Variants in ESRRG observed in about 807,000 individuals in gnomAD.
ESRRG encodes the protein estrogen related receptor gamma, also known as estrogen-related receptor gamma.
A neutral mutation model predicts 44.0 loss-of-function variants in ESRRG; 13 were observed. The ratio of observed to expected loss-of-function variants is 0.30; its 90% confidence interval spans 0.19 to 0.47. ESRRG has a LOEUF of 0.47. Among genes scored for constraint, ESRRG ranks in the 20% least tolerant of loss-of-function variants. The pLI, the probability that ESRRG is intolerant of heterozygous loss-of-function variation, is 1.00. For missense variants in ESRRG, 395 were observed against 580.6 expected (o/e 0.68, Z 3.29); for synonymous variants, 215 against 214.6 (o/e 1.00, Z -0.02).
intron 2 of ESRRG, among the ~76,000 whole-genome samples, chr1:216,652,635 A>C (rs980834725): frequency 3.9e-5 from 6 of 152,168 alleles, no homozygotes; most frequent in African/African-American, 1.4e-4. Flanking sequence ...CAACAGAAGT[A>C]TATACCATCA....
intron 1 of ESRRG, among the ~76,000 whole-genome samples, chr1:217,033,061 A>G (rs929406757): frequency 6.6e-6 from 1 of 152,198 alleles, no homozygotes; most frequent in East Asian, 1.9e-4. Context: ...TCCTTTATTT[A>G]TATTAGAAAG....
chr1:216,866,189 T>C (rs2096154077), intron 2 of ESRRG, among the ~76,000 whole-genome samples: 1 of 152,198 alleles, frequency 6.6e-6, no homozygotes, highest in Non-Finnish European at 1.5e-5. Context: ...TGCTATCAAG[T>C]AATCAACATA....
chr1:216,902,013 A>T (rs898346694), intron 2 of ESRRG, among the ~76,000 whole-genome samples: 2 of 152,110 alleles, frequency 1.3e-5, no homozygotes, highest in Admixed American at 1.3e-4. Context: ...TCTACCTGCC[A>T]TTGCCTCCCA....
rs547219843 is a variant in ESRRG at position 217,107,392 on chromosome 1, T to C, written c.-230+30275A>G. Among the ~76,000 whole-genome samples, 330 of 152,372 alleles carry C rather than the reference T, an allele frequency of 2.2e-3. 1 individual carries two copies. Among genetic ancestry groups the C allele is most frequent in the African/African-American group, 7.8e-3 (323 of 41,602 alleles). Reference sequence around the variant, plus strand: ...TCAGGTGACAACAATAATTTATTCATGGGTGAATCAAATGTCAGTGCTTCC... The same window carrying C: ...TCAGGTGACAACAATAATTTATTCACGGGTGAATCAAATGTCAGTGCTTCC... On this transcript the variant is annotated intron_variant, in intron 1 of 8. Transcript: ENST00000366940.
At chr1:216,535,681 C>T (rs370796320) in intron 5 of ESRRG, among the ~76,000 whole-genome samples, 1 of 151,984 alleles carries the variant, frequency 6.6e-6, no homozygotes, top group East Asian at 1.9e-4. Context: ...TACTTGGCCC[C>T]TCTCCATTTC....
At chr1:216,733,987 T>TAAAAAAAAAAA (rs397796087) in intron 2 of ESRRG, among the ~76,000 whole-genome samples, 5 of 107,268 alleles carry the variant, frequency 4.7e-5, no homozygotes, top group African/African-American at 1.8e-4. Context: ...CAAGACTCTG[T>TAAAAAAAAAAA]AAAAAAAAAA....
chr1:217,107,707 G>A (rs951213321), intron 1 of ESRRG, among the ~76,000 whole-genome samples: 9 of 152,048 alleles, frequency 5.9e-5, no homozygotes, highest in African/African-American at 2.2e-4. Flanking sequence ...CTAAAATTCA[G>A]TCTGAGCTAC....
intron 1 of ESRRG, among the ~76,000 whole-genome samples, chr1:216,957,850 T>G (rs1440165234): frequency 6.6e-6 from 1 of 152,214 alleles, no homozygotes; most frequent in East Asian, 1.9e-4. Flanking sequence ...GAGTAAAGTT[T>G]GATGAGTTTT....
At chr1:216,952,123 C>T (rs73099403) in intron 1 of ESRRG, among the ~76,000 whole-genome samples, 302 of 152,262 alleles carry the variant, frequency 2.0e-3, no homozygotes, top group African/African-American at 6.3e-3. Context: ...CTTGCCAACA[C>T]CCCCACTGGT....
chr1:216,778,580 C>T (rs2093698470), intron 2 of ESRRG, among the ~76,000 whole-genome samples: 1 of 151,826 alleles, frequency 6.6e-6, no homozygotes, highest in Non-Finnish European at 1.5e-5. Context: ...TCGCAGAGGT[C>T]AGAAGTGGGC....
At chr1:216,522,496 T>G (rs1311642393) in intron 5 of ESRRG, among the ~76,000 whole-genome samples, 1 of 152,082 alleles carries the variant, frequency 6.6e-6, no homozygotes, top group Non-Finnish European at 1.5e-5. Context: ...ATTTTACCCC[T>G]TTCCTACCAC....
chr1:216,943,143 A>G (rs921587858), intron 1 of ESRRG, among the ~76,000 whole-genome samples: 7 of 152,194 alleles, frequency 4.6e-5, no homozygotes, highest in African/African-American at 1.7e-4. Flanking sequence ...CACATGCATT[A>G]CAACGTGAAT....
At chr1:216,907,128 C>T (rs2149537457) in intron 2 of ESRRG, among the ~76,000 whole-genome samples, 1 of 152,274 alleles carries the variant, frequency 6.6e-6, no homozygotes, top group African/African-American at 2.4e-5. Context: ...GTAAACTGCT[C>T]ATGCAGCAGG....
At chr1:216,774,356 T>C (rs959850493) in intron 2 of ESRRG, among the ~76,000 whole-genome samples, 2 of 152,144 alleles carry the variant, frequency 1.3e-5, no homozygotes, top group African/African-American at 2.4e-5. Flanking sequence ...GTGCTGCTCA[T>C]GTCATGGATG....
chr1:216,900,139 T>C (rs557060249), intron 2 of ESRRG, among the ~76,000 whole-genome samples: 1 of 152,216 alleles, frequency 6.6e-6, no homozygotes, highest in East Asian at 1.9e-4. Flanking sequence ...ATAACCTCAT[T>C]ATAAAAGATT....
intron 2 of ESRRG, among the ~76,000 whole-genome samples, chr1:216,670,555 G>A (rs923324887): frequency 5.9e-5 from 9 of 152,116 alleles, no homozygotes; most frequent in South Asian, 2.1e-4. Context: ...CGTCCCCTGC[G>A]TACACCTTGA....
At position 216,564,366 on chromosome 1, in the gene ESRRG, A is replaced by C. The variant is rs761520035; in HGVS notation, c.715T>G (p.Ser239Ala). ...PAKKPYNKIVSHLLVAEPEKI... is the reference protein window; with the variant it reads ...PAKKPYNKIVAHLLVAEPEKI... Reference sequence around the variant, plus strand: ...TCCGGTTCAGCCACCAACAAATGTGAGACAATCTTGTTATCTGCAGGATCA... The same window carrying C: ...TCCGGTTCAGCCACCAACAAATGTGCGACAATCTTGTTATCTGCAGGATCA... Residue 239 changes from serine to alanine, a missense_variant, in exon 5 of 7, where the codon TCA (serine) becomes GCA (alanine). Transcript: ENST00000408911. 6.2e-7 allele frequency: 1 copy of C among 1,609,814 alleles called. No individual in the cohort carries two copies. Among genetic ancestry groups the C allele is most frequent in the Admixed American group, 1.7e-5 (1 of 59,458 alleles).
At chr1:216,569,436 G>T (rs2060383332) in intron 3 of ESRRG, among the ~76,000 whole-genome samples, 2 of 152,096 alleles carry the variant, frequency 1.3e-5, no homozygotes. Context: ...GTGATGGGTT[G>T]GGTCAAGATT....
At chr1:217,093,511 G>A (rs1032269857), upstream of ESRRG, among the ~76,000 whole-genome samples, 23 of 152,028 alleles carry the variant, frequency 1.5e-4, no homozygotes, top group African/African-American at 4.3e-4. Context: ...TACGGTTTCC[G>A]GTGGCTCACA....
Sources: gnomAD v4.1 joint callset for allele counts (sites outside exome capture counted in the v4.1 genomes callset) on GRCh38, gnomAD v4.1.1 for gene constraint, MANE v1.5 for transcripts, NCBI Gene and HGNC (gene_info 2026-07-23, HGNC 2026-07-21) for gene names.